ATP8B1: variants seen among roughly 807,000 people sequenced by gnomAD.
The protein encoded by ATP8B1 is ATPase phospholipid transporting 8B1.
In ATP8B1, 80 loss-of-function variants were observed where a neutral mutation model predicts 149.9. That is an observed-to-expected ratio of 0.53 (90% confidence interval 0.45 to 0.64). The LOEUF (loss-of-function observed/expected upper bound fraction) is 0.64, where lower values mean the gene tolerates loss of function less well. Ranked by LOEUF, ATP8B1 falls within the 30% of genes least tolerant of loss-of-function variation. The pLI is 0.00. For missense variants in ATP8B1, 1,247 were observed against 1,552.6 expected (o/e 0.80, Z 3.31); for synonymous variants, 536 against 562.8 (o/e 0.95, Z 0.67).
intron 1 of ATP8B1, among the ~76,000 whole-genome samples, chr18:57,791,252 C>G (rs1372452941): frequency 6.6e-6 from 1 of 151,954 alleles, no homozygotes; most frequent in African/African-American, 2.4e-5. Flanking sequence ...TTTGTTTGTC[C>G]TTTTGCATCT....
intron 11 of ATP8B1, among the ~76,000 whole-genome samples, chr18:57,692,733 AT>A (rs1167617120): frequency 1.8e-4 from 27 of 151,982 alleles, no homozygotes; most frequent in Middle Eastern, 6.8e-3. Context: ...CCCAGCCAGA[AT>A]TTTTTTTTCA....
chr18:57,751,309 C>T (rs1358151965), intron 1 of ATP8B1, among the ~76,000 whole-genome samples: 10 of 151,620 alleles, frequency 6.6e-5, no homozygotes, highest in African/African-American at 2.2e-4. Context: ...TATGGTGAAA[C>T]CACAGCTGTA....
intron 1 of ATP8B1, among the ~76,000 whole-genome samples, chr18:57,758,111 A>G (rs28635919): frequency 0.45 from 68,380 of 151,998 alleles, 15,789 homozygotes; most frequent in Middle Eastern, 0.52. Flanking sequence ...CTCCCACCTC[A>G]GTCTCCCGAA....
At chr18:57,680,526 G>A (rs1217174853) in intron 15 of ATP8B1, among the ~76,000 whole-genome samples, 2 of 151,502 alleles carry the variant, frequency 1.3e-5, no homozygotes, top group Admixed American at 6.6e-5. Flanking sequence ...GGAGGTTGCA[G>A]TGAGCCGAGA....
intron 13 of ATP8B1, among the ~76,000 whole-genome samples, chr18:57,687,882 C>A (rs1257025495): frequency 2.0e-5 from 3 of 148,422 alleles, no homozygotes; most frequent in East Asian, 4.0e-4. Flanking sequence ...CGGGTTCAAG[C>A]AATTCTCCTG....
rs200484292 is a variant in ATP8B1 at position 57,691,877 on chromosome 18, G to C, written c.1150C>G (p.Arg384Gly). 9.3e-6 allele frequency: 15 copies of C among 1,614,022 alleles called. No homozygotes were observed. Among genetic ancestry groups the C allele is most frequent in the Non-Finnish European group, 1.3e-5 (15 of 1,180,004 alleles). ...YDGEDDTPSY[R>G]GFLIFWGYII... ...TAGCCCCAGAAAATGAGGAATCCAC[G>C]GTAGGAGGGTGTATCGTCTTCTCCA... The change falls in exon 12 of 28, where the codon CGT becomes GGT. Residue 384 changes from arginine to glycine, a missense_variant. By Grantham distance (125) the Arg-to-Gly change is moderately radical. Coordinates refer to ENST00000648908, the MANE Select transcript of ATP8B1 (RefSeq NM_001374385.1).
intron 1 of ATP8B1, among the ~76,000 whole-genome samples, chr18:57,767,139 C>G (rs1185100137): frequency 2.0e-5 from 3 of 152,160 alleles, no homozygotes; most frequent in Non-Finnish European, 4.4e-5. Context: ...TAAAAGGAAG[C>G]CAACCTCAGG....
chr18:57,708,508 A>G (rs1464025580), intron 2 of ATP8B1: 3 of 152,218 alleles, frequency 2.0e-5, no homozygotes, highest in African/African-American at 7.2e-5. Context: ...AATCCATTCT[A>G]TTTGGTGGTA....
intron 2 of ATP8B1, among the ~76,000 whole-genome samples, chr18:57,716,596 T>C (rs1188776635): frequency 1.3e-5 from 2 of 152,192 alleles, no homozygotes; most frequent in Non-Finnish European, 2.9e-5. Flanking sequence ...AAAGTCACTA[T>C]ATAATGATAA....
At chr18:57,687,456 G>T (rs970990094) in intron 13 of ATP8B1, among the ~76,000 whole-genome samples, 14 of 152,144 alleles carry the variant, frequency 9.2e-5, no homozygotes, top group Admixed American at 3.3e-4. Flanking sequence ...ACTGCTCAAG[G>T]TCATCACCAA....
chr18:57,775,480 A>G (rs1327066276), intron 1 of ATP8B1, among the ~76,000 whole-genome samples: 2 of 151,906 alleles, frequency 1.3e-5, no homozygotes, highest in East Asian at 1.9e-4. Flanking sequence ...AAAGAGAAAG[A>G]AGGAGACAGG....
At chr18:57,717,331 G>T (rs752908696) in intron 2 of ATP8B1, among the ~76,000 whole-genome samples, 8 of 151,774 alleles carry the variant, frequency 5.3e-5, no homozygotes, top group Non-Finnish European at 1.0e-4. Context: ...AGATCATGAG[G>T]TCAGGAGATC....
At chr18:57,761,037 TAAATA>T (rs199579621) in intron 1 of ATP8B1, among the ~76,000 whole-genome samples, 1 of 103,200 alleles carries the variant, frequency 9.7e-6, no homozygotes, top group East Asian at 2.5e-4. Flanking sequence ...TAAAATAAAA[TAAATA>T]AAATAAAATA....
chr18:57,661,486 G>C (rs764261100), intron 21 of ATP8B1, 24 bp from the exon 22 acceptor site: 1 of 1,610,368 alleles, frequency 6.2e-7, no homozygotes, highest in Non-Finnish European at 8.5e-7. Context: ...GAGGGAAAAG[G>C]TTACATTCAC....
chr18:57,688,770 G>A lies in ATP8B1; in HGVS notation c.1221-263C>T, dbSNP rs189108785. On this transcript the variant is annotated intron_variant, in intron 12 of 27. Transcript: ENST00000648908. The stretch of plus-strand genomic sequence containing the variant: ...GCCCTTATTAAAGTGGCTCAAAGGA[G>A]CTTGCTTGCCCCTTCTGCCATGCGA... 46 of 471,172 alleles carry A rather than the reference G, an allele frequency of 9.8e-5. No homozygotes were observed. The East Asian group carries it at 1.8e-3, about 18-fold the overall frequency. The allele number at this position is 471,172 out of a possible 1,614,324, so 29.2% of individuals were successfully genotyped here.
rs1422783689 is a variant in ATP8B1, at chr18:57,648,850, A to G, written c.3532-138T>C. 6 of 452,280 alleles carry G rather than the reference A, an allele frequency of 1.3e-5. No individual in the cohort carries two copies. The African/African-American group carries it at 3.4e-4, about 26-fold the overall frequency. 28.0% of individuals were successfully genotyped at this position (452,280 alleles called of 1,614,324 possible). A position where few individuals can be genotyped will look rare whatever the true frequency, so the allele number is the denominator to read the frequency against. On this transcript the variant is annotated intron_variant, in intron 27 of 27. Coordinates refer to ENST00000648908, the MANE Select transcript of ATP8B1 (RefSeq NM_001374385.1). ...TTTTGATGCAGGCAGTTCTGTCCCCACTTGTGTGTGTGTGTGTGTGTGTGT... is the reference window on the plus strand; with the variant it reads ...TTTTGATGCAGGCAGTTCTGTCCCCGCTTGTGTGTGTGTGTGTGTGTGTGT...
chr18:57,688,058 CAGGCCTG>C (rs1359324756), intron 13 of ATP8B1, among the ~76,000 whole-genome samples: 23 of 152,170 alleles, frequency 1.5e-4, no homozygotes, highest in African/African-American at 5.5e-4. Flanking sequence ...GCTGGGATTA[CAGGCCTG>C]AGCCACCACG....
intron 3 of ATP8B1, 39 bp from the exon 4 acceptor site, chr18:57,704,707 A>G (rs778187647): frequency 4.1e-5 from 52 of 1,280,576 alleles, no homozygotes; most frequent in Non-Finnish European, 5.8e-5. Flanking sequence ...ATGATGCTGT[A>G]TTTATCACAA....
chr18:57,802,680 A>G lies in ATP8B1; in HGVS notation c.-26+318T>C, dbSNP rs2080592111. Among the ~76,000 whole-genome samples the G allele has an allele frequency of 6.6e-6, 1 of 152,184 alleles. No individual in the cohort carries two copies. Among genetic ancestry groups the G allele is most frequent in the Non-Finnish European group, 1.5e-5 (1 of 68,024 alleles). On this transcript the variant is annotated intron_variant, in intron 1 of 27. Coordinates refer to ENST00000648908, the MANE Select transcript of ATP8B1 (RefSeq NM_001374385.1). The surrounding 1 kb of genome is among the most constrained non-coding windows in gnomAD (Gnocchi z 4.9). ...GCCCTACCTGGCTTAACCCCCGGAC[A>G]TGTGTGTCGCTACCGATCGAAGAAC...
Sources: allele counts gnomAD v4.1 joint callset (sites outside exome capture counted in the v4.1 genomes callset), GRCh38; gene constraint gnomAD v4.1.1; non-coding constraint Gnocchi (gnomAD v3.1); transcripts MANE v1.5; gene names NCBI Gene and HGNC (gene_info 2026-07-23, HGNC 2026-07-21).